The following NLN variants were observed in gnomAD, a reference collection of about 807,000 sequenced individuals.
NLN encodes the protein neurolysin, also known as neurolysin, mitochondrial.
NLN carries 64 observed loss-of-function variants against 79.9 expected under a neutral mutation model. The observed-to-expected ratio is 0.80, with a 90% CI of 0.65 to 0.99. NLN has a LOEUF of 0.99. NLN is among the 50% of genes least tolerant of loss of function. The pLI, the probability that NLN is intolerant of heterozygous loss-of-function variation, is 0.00. For synonymous variants in NLN, 267 were observed against 296.6 expected, an observed-to-expected ratio of 0.90 and a Z score of 1.02; for missense variants, 835 against 858.7, an observed-to-expected ratio of 0.97 and a Z score of 0.34.
intron 1 of NLN, among the ~76,000 whole-genome samples, chr5:65,744,807 G>A (rs912303608): frequency 2.6e-5 from 4 of 152,146 alleles, no homozygotes; most frequent in Non-Finnish European, 5.9e-5. Flanking sequence ...CCTGGGAGGT[G>A]GAGGTTACAG....
intron 7 of NLN, among the ~76,000 whole-genome samples, chr5:65,786,583 A>G (rs558589237): frequency 6.6e-6 from 1 of 152,270 alleles, no homozygotes; most frequent in South Asian, 2.1e-4. Flanking sequence ...TTGGCTGGGC[A>G]TGGCAGTTCA....
At chr5:65,809,953 G>A in intron 10 of NLN, 84 bp from the exon 11 acceptor site, 1 of 1,477,788 alleles carries the variant, frequency 6.8e-7, no homozygotes, top group Non-Finnish European at 9.3e-7. Flanking sequence ...ACTGGAATCT[G>A]TTTTTGGAAT....
chr5:65,748,485 C>G (rs1483157557), intron 1 of NLN, among the ~76,000 whole-genome samples: 2 of 151,958 alleles, frequency 1.3e-5, no homozygotes, highest in African/African-American at 4.8e-5. Context: ...GTTGGCTGGG[C>G]ACAGTGGCTC....
At chr5:65,813,323 T>A (rs1242938538) in intron 12 of NLN, among the ~76,000 whole-genome samples, 1 of 146,110 alleles carries the variant, frequency 6.8e-6, no homozygotes, top group Non-Finnish European at 1.5e-5. Context: ...TTCCATTACC[T>A]GGCCAACCCA....
chr5:65,749,011 G>C (rs2150741511), intron 1 of NLN, among the ~76,000 whole-genome samples: 1 of 152,282 alleles, frequency 6.6e-6, no homozygotes, highest in African/African-American at 2.4e-5. Context: ...AGTCTCACGA[G>C]ATCTGATGGT....
chr5:65,755,611 A>G (rs905755518), intron 1 of NLN, among the ~76,000 whole-genome samples: 3 of 152,214 alleles, frequency 2.0e-5, no homozygotes, highest in Middle Eastern at 3.2e-3. Context: ...TAATCAGTCA[A>G]ATATTTAAAT....
chr5:65,811,336 CAATTA>C (rs1470256592), intron 11 of NLN, among the ~76,000 whole-genome samples: 5 of 152,008 alleles, frequency 3.3e-5, no homozygotes, highest in African/African-American at 1.2e-4. Flanking sequence ...TTTAAATGTA[CAATTA>C]AATTATTATT....
intron 8 of NLN, among the ~76,000 whole-genome samples, chr5:65,791,587 G>A: frequency 6.6e-6 from 1 of 152,022 alleles, no homozygotes; most frequent in East Asian, 1.9e-4. Context: ...AACCAGCGTG[G>A]TGTTGTATAT....
intron 1 of NLN, among the ~76,000 whole-genome samples, chr5:65,747,756 A>G (rs1392157169): frequency 6.6e-6 from 1 of 152,200 alleles, no homozygotes; most frequent in Non-Finnish European, 1.5e-5. Flanking sequence ...GGGCCCACAC[A>G]GATTCTGGGA....
intron 1 of NLN, among the ~76,000 whole-genome samples, chr5:65,742,829 A>G (rs562147449): frequency 6.6e-6 from 1 of 152,240 alleles, no homozygotes; most frequent in South Asian, 2.1e-4. Context: ...TCTCTCACAT[A>G]ATTACTTTTC....
chr5:65,809,587 A>G lies in NLN; in HGVS notation c.1600A>G (p.Asn534Asp), dbSNP rs766201676. 34 of 1,613,948 alleles carry G rather than the reference A, an allele frequency of 2.1e-5. No homozygotes were observed. Among genetic ancestry groups the G allele is most frequent in the Non-Finnish European group, 2.7e-5 (32 of 1,179,978 alleles). Reference sequence around the variant, plus strand: ...AGAGGTGCCATCGCAAATGCTTGAAAATTGGGTGTGGGACGTCGATTCCCT... The same window carrying G: ...AGAGGTGCCATCGCAAATGCTTGAAGATTGGGTGTGGGACGTCGATTCCCT... ...FVEVPSQMLE[N>D]WVWDVDSLRR... The change falls in exon 10 of 13, where the codon AAT becomes GAT. Residue 534 changes from asparagine (N) to aspartate (D), a missense_variant. Coordinates refer to ENST00000380985, the MANE Select transcript of NLN (RefSeq NM_020726.5).
intron 9 of NLN, among the ~76,000 whole-genome samples, chr5:65,799,968 T>C (rs1255712346): frequency 6.6e-6 from 1 of 152,130 alleles, no homozygotes; most frequent in Non-Finnish European, 1.5e-5. Flanking sequence ...CATCCCTGGA[T>C]TTAGGGATAG....
intron 1 of NLN, among the ~76,000 whole-genome samples, chr5:65,729,678 A>G (rs1758564365): frequency 6.6e-6 from 1 of 152,100 alleles, no homozygotes; most frequent in Non-Finnish European, 1.5e-5. Flanking sequence ...TCCGCCGAGG[A>G]TTGATTTCTT....
intron 2 of NLN, among the ~76,000 whole-genome samples, chr5:65,762,293 G>T (rs1759355809): frequency 6.6e-6 from 1 of 152,082 alleles, no homozygotes; most frequent in Admixed American, 6.5e-5. Context: ...ATTTTCTATG[G>T]AGTCTTTATC....
chr5:65,749,088 TC>T (rs1411353257), intron 1 of NLN, among the ~76,000 whole-genome samples: 1 of 152,230 alleles, frequency 6.6e-6, no homozygotes, highest in East Asian at 1.9e-4. Flanking sequence ...ACTTTGCTCC[TC>T]CTTCTCCTTC....
rs1760972355 is a variant in NLN at position 65,829,074 on chromosome 5, C to T, written c.*6159C>T. On this transcript the variant is annotated 3_prime_UTR_variant, in exon 13 of 13. Transcript: ENST00000380985. ...TTCGTTTTCCTCCCTACAGAATTTACAGTTACTCTCTGTCCATTCCACTCA... is the reference window on the plus strand; with the variant it reads ...TTCGTTTTCCTCCCTACAGAATTTATAGTTACTCTCTGTCCATTCCACTCA... 1.3e-5 allele frequency: 2 copies of T among 152,144 alleles called. No individual in the cohort carries two copies. The highest frequency in any genetic ancestry group is 2.4e-5 in the African/African-American group (1 of 41,428). The allele number at this position is 152,144 out of a possible 1,614,324, so 9.4% of individuals were successfully genotyped here. A position where few individuals can be genotyped will look rare whatever the true frequency, so the allele number is the denominator to read the frequency against.
At chr5:65,730,021 C>T (rs900417104) in intron 1 of NLN, among the ~76,000 whole-genome samples, 1 of 152,178 alleles carries the variant, frequency 6.6e-6, no homozygotes. Context: ...GTTTCCTCCT[C>T]AGTAAATTGA....
At chr5:65,782,436 T>C (rs1298236713) in intron 6 of NLN, among the ~76,000 whole-genome samples, 1 of 152,242 alleles carries the variant, frequency 6.6e-6, no homozygotes, top group Non-Finnish European at 1.5e-5. Flanking sequence ...TCAAAATAAC[T>C]ATACCCAAAT....
intron 9 of NLN, among the ~76,000 whole-genome samples, chr5:65,806,060 A>G (rs1760404062): frequency 6.6e-6 from 1 of 152,110 alleles, no homozygotes; most frequent in Non-Finnish European, 1.5e-5. Flanking sequence ...GACTATTTTA[A>G]GCCACTGTTG....
Sources: gnomAD v4.1 joint callset for allele counts (sites outside exome capture counted in the v4.1 genomes callset) on GRCh38, gnomAD v4.1.1 for gene constraint, MANE v1.5 for transcripts, NCBI Gene and HGNC (gene_info 2026-07-23, HGNC 2026-07-21) for gene names.